Variants in ITSN1 observed in about 807,000 individuals in gnomAD.
ITSN1 encodes the protein intersectin 1.
In ITSN1, 58 loss-of-function variants were observed where a neutral mutation model predicts 239.8. The ratio of observed to expected loss-of-function variants is 0.24; its 90% CI spans 0.20 to 0.30. The LOEUF (loss-of-function observed/expected upper bound fraction) is 0.30. Ranked by LOEUF, ITSN1 falls within the 10% of genes least tolerant of loss-of-function variation. The pLI, the probability that ITSN1 is intolerant of heterozygous loss-of-function variation, is 1.00. For synonymous variants in ITSN1, 780 were observed against 770.8 expected (o/e 1.01, Z -0.20); for missense variants, 1,558 against 2,103.3 (o/e 0.74, Z 5.07).
At chr21:33,823,106 C>T (rs773233330) in intron 24 of ITSN1, among the ~76,000 whole-genome samples, 6 of 152,234 alleles carry the variant, frequency 3.9e-5, no homozygotes, top group Non-Finnish European at 8.8e-5. Context: ...TGACCCAGTG[C>T]TCAGCACAGA....
chr21:33,747,537 C>A (rs2067258034), intron 5 of ITSN1, among the ~76,000 whole-genome samples: 1 of 152,142 alleles, frequency 6.6e-6, no homozygotes, highest in Non-Finnish European at 1.5e-5. Flanking sequence ...CCAGACACAT[C>A]ATAGTTAACC....
At chr21:33,879,928 C>T (rs974204372) in intron 34 of ITSN1, among the ~76,000 whole-genome samples, 4 of 152,266 alleles carry the variant, frequency 2.6e-5, no homozygotes, top group African/African-American at 9.6e-5. Context: ...GATCTGCCCA[C>T]CTCGGCCTCC....
intron 27 of ITSN1, among the ~76,000 whole-genome samples, chr21:33,832,354 T>G (rs2074344842): frequency 1.3e-5 from 2 of 152,234 alleles, no homozygotes; most frequent in Non-Finnish European, 2.9e-5. Context: ...TTTATATTAC[T>G]TTGCTTTCTG....
At position 33,788,058 on chromosome 21, in the gene ITSN1, A is replaced by C. The variant is rs114311327; in HGVS notation, c.1824+5925A>C. Among the ~76,000 whole-genome samples the C allele has an allele frequency of 2.4e-4, 37 of 152,302 alleles. 2 individuals are homozygous for C. In the South Asian group the frequency reaches 7.5e-3, roughly 31 times the overall value. ...TTTGGGAAAGGGTTAAGAAGAACTC[A>C]GTCTTTTGAAAAAATACTTTCTTCT... is the stretch of plus-strand genomic sequence containing the variant. On this transcript the variant is annotated intron_variant, in intron 16 of 39. Transcript: ENST00000381318.
At position 33,823,951 on chromosome 21, in the gene ITSN1, C is replaced by A. The variant is rs113768467; in HGVS notation, c.3183+298C>A. Among the ~76,000 whole-genome samples the A allele has an allele frequency of 1.3e-3, 197 of 152,242 alleles. 1 individual carries two copies. Among genetic ancestry groups the A allele is most frequent in the African/African-American group, 4.6e-3 (190 of 41,516 alleles). On this transcript the variant is annotated intron_variant, in intron 25 of 39. Coordinates refer to ENST00000381318, the MANE Select transcript of ITSN1 (RefSeq NM_003024.3). ...TCTCTTCCTGCCTGTAACTGACTTACGCTTTGGAGTAAACTTTCTTGATTA... is the reference window on the plus strand; with the variant it reads ...TCTCTTCCTGCCTGTAACTGACTTAAGCTTTGGAGTAAACTTTCTTGATTA...
intron 33 of ITSN1, among the ~76,000 whole-genome samples, chr21:33,872,236 T>G (rs1185376411): frequency 6.6e-6 from 1 of 152,252 alleles, no homozygotes; most frequent in Non-Finnish European, 1.5e-5. Context: ...AATTCCTCTT[T>G]GGCTCAGCAA....
intron 39 of ITSN1, among the ~76,000 whole-genome samples, chr21:33,887,594 T>C: frequency 7.9e-6 from 1 of 126,556 alleles, no homozygotes; most frequent in East Asian, 3.0e-4. Context: ...TTCTTTTTTC[T>C]TTTTATTTTT....
chr21:33,823,927 C>T (rs566507592), intron 25 of ITSN1, among the ~76,000 whole-genome samples: 43 of 152,322 alleles, frequency 2.8e-4, no homozygotes, highest in African/African-American at 9.6e-4. Flanking sequence ...GTATTAAGCT[C>T]TCTTCCTGCC....
intron 1 of ITSN1, among the ~76,000 whole-genome samples, chr21:33,691,110 T>C (rs1220437695): frequency 6.6e-6 from 1 of 152,034 alleles, no homozygotes; most frequent in African/African-American, 2.4e-5. Flanking sequence ...TCTGCGGTGT[T>C]GTATGAAACA....
rs541788878 is a variant in ITSN1, at chr21:33,840,552, G to A, written c.3661+3920G>A. Among the ~76,000 whole-genome samples the A allele has an allele frequency of 3.9e-3, 589 of 152,212 alleles. 7 individuals carry two copies. Among genetic ancestry groups the A allele is most frequent in the African/African-American group, 0.014 (569 of 41,516 alleles). Reference sequence around the variant, plus strand: ...GCATTTTGTATTTTTGGTAGAGACAGGGTTTCACCATGTTGGCCAGGCTGG... The same window carrying A: ...GCATTTTGTATTTTTGGTAGAGACAAGGTTTCACCATGTTGGCCAGGCTGG... On this transcript the variant is annotated intron_variant, in intron 29 of 39. Transcript: ENST00000381318.
At position 33,895,241 on chromosome 21, in the gene ITSN1, G is replaced by A. The variant is rs1282366793; in HGVS notation, c.*6941G>A. ...TTAGTGTCTGTCGGCTGGGTGGACT[G>A]CAGGGCAGGTGACCTGGAGGAGGCC... On this transcript the variant is annotated 3_prime_UTR_variant, in exon 40 of 40. Coordinates refer to ENST00000381318, the MANE Select transcript of ITSN1 (RefSeq NM_003024.3). The A allele has an allele frequency of 6.6e-6, 1 of 152,326 alleles. No individual in the cohort carries two copies. Among genetic ancestry groups the A allele is most frequent in the Admixed American group, 6.5e-5 (1 of 15,288 alleles). 9.4% of individuals were successfully genotyped at this position (152,326 alleles called of 1,614,324 possible). A position where few individuals can be genotyped will look rare whatever the true frequency, so the allele number is the denominator to read the frequency against.
Position 33,750,266 on chromosome 21 carries a change from C to A in ITSN1, c.470C>A (p.Pro157His). The A allele has an allele frequency of 6.2e-7, 1 of 1,614,072 alleles. No homozygotes were observed. Among genetic ancestry groups the A allele is most frequent in the Non-Finnish European group, 8.5e-7 (1 of 1,180,030 alleles). The change falls in exon 6 of 40, where the codon CCC becomes CAC. Residue 157 changes from proline (P) to histidine (H), a missense_variant. Pro to His is a moderately conservative substitution (Grantham distance 77). Transcript: ENST00000381318. ...TCTGTTCCCACAGCAGCTGTGCCCC[C>A]CCTGGCTAACGGGGCTCCCCCTGTT... ...VSSVPTAAVPPLANGAPPVIQ... is the reference protein window; with the variant it reads ...VSSVPTAAVPHLANGAPPVIQ...
chr21:33,706,479 C>CAA (rs370383959), intron 1 of ITSN1, among the ~76,000 whole-genome samples: 53 of 133,654 alleles, frequency 4.0e-4, no homozygotes, highest in Admixed American at 1.4e-3. Context: ...CATTTATTAC[C>CAA]AAAAAAAAAA....
intron 32 of ITSN1, among the ~76,000 whole-genome samples, chr21:33,866,990 T>C (rs1349374808): frequency 6.8e-6 from 1 of 146,042 alleles, no homozygotes; most frequent in Non-Finnish European, 1.5e-5. Context: ...GAGGGTATGC[T>C]GAATCCAGAG....
chr21:33,882,137 G>T lies in ITSN1; in HGVS notation c.4342-106G>T. The T allele has an allele frequency of 1.1e-6, 1 of 942,286 alleles. No homozygotes were observed. Among genetic ancestry groups the T allele is most frequent in the South Asian group, 1.7e-5 (1 of 58,252 alleles). 58.4% of individuals were successfully genotyped at this position (942,286 alleles called of 1,614,324 possible). A position where few individuals can be genotyped will look rare whatever the true frequency, so the allele number is the denominator to read the frequency against. ...TCAAAGCTATCCTTGACTTTTGCCT[G>T]AGATCCGAGTCTGCTGGGGCCTGGC... On this transcript the variant is annotated intron_variant, in intron 34 of 39. Coordinates refer to ENST00000381318, the MANE Select transcript of ITSN1 (RefSeq NM_003024.3). This position sits in a 1 kb window ranked among gnomAD's most constrained non-coding sequence, Gnocchi z 4.5.
intron 1 of ITSN1, among the ~76,000 whole-genome samples, chr21:33,702,970 G>A (rs1203866731): frequency 6.6e-6 from 1 of 151,884 alleles, no homozygotes; most frequent in Non-Finnish European, 1.5e-5. Context: ...CCAGCTACTC[G>A]GGAGGCTGAG....
intron 1 of ITSN1, among the ~76,000 whole-genome samples, chr21:33,649,576 T>G (rs1475759662): frequency 1.3e-5 from 2 of 152,178 alleles, no homozygotes; most frequent in Non-Finnish European, 2.9e-5. Flanking sequence ...TTTCAGTTGG[T>G]CACCAAAACC....
chr21:33,647,853 T>C (rs1190169662), intron 1 of ITSN1, among the ~76,000 whole-genome samples: 1 of 152,234 alleles, frequency 6.6e-6, no homozygotes, highest in Non-Finnish European at 1.5e-5. Flanking sequence ...TGTTTATTTT[T>C]CCTCCACGGT....
At chr21:33,785,190 T>A (rs2147930754) in intron 16 of ITSN1, among the ~76,000 whole-genome samples, 1 of 152,334 alleles carries the variant, frequency 6.6e-6, no homozygotes, top group Admixed American at 6.5e-5. Flanking sequence ...AATTTTAAAA[T>A]TAGTTGATCA....
Sources: gnomAD v4.1 joint callset for allele counts (sites outside exome capture counted in the v4.1 genomes callset) on GRCh38, gnomAD v4.1.1 for gene constraint, Gnocchi (gnomAD v3.1) non-coding constraint, MANE v1.5 for transcripts, NCBI Gene and HGNC (gene_info 2026-07-23, HGNC 2026-07-21) for gene names.